The following ZC3H18 variants were observed in gnomAD, a reference collection of about 807,000 sequenced individuals.
ZC3H18 encodes the protein zinc finger CCCH-type containing 18.
In ZC3H18, 8 loss-of-function variants were observed where a neutral mutation model predicts 106.1. The ratio of observed to expected loss-of-function variants is 0.08; its 90% confidence interval spans 0.04 to 0.14. The LOEUF (loss-of-function observed/expected upper bound fraction) is 0.14. Ranked by LOEUF, ZC3H18 falls within the 10% of genes least tolerant of loss-of-function variation. The probability of loss-of-function intolerance (pLI) is 1.00; values close to 1 mark genes in which losing one functional copy is unlikely to be tolerated. For missense variants in ZC3H18, 1,318 were observed against 1,278.4 expected, an observed-to-expected ratio of 1.03 and a Z score of -0.47; for synonymous variants, 635 against 522.1, an observed-to-expected ratio of 1.22 and a Z score of -2.95.
chr16:88,574,861 G>A (rs1313249957), intron 1 of ZC3H18, among the ~76,000 whole-genome samples: 7 of 139,844 alleles, frequency 5.0e-5, no homozygotes, highest in South Asian at 2.2e-4. Context: ...ACGGAGTCTC[G>A]CTCTGTCGCC....
At chr16:88,580,062 G>A (rs1006986945) in intron 2 of ZC3H18, among the ~76,000 whole-genome samples, 1 of 152,096 alleles carries the variant, frequency 6.6e-6, no homozygotes, top group Non-Finnish European at 1.5e-5. Flanking sequence ...GCCCAGCAGC[G>A]TTTCAGGCTC....
chr16:88,587,734 AG>A, intron 3 of ZC3H18: 2 of 996,166 alleles, frequency 2.0e-6, no homozygotes, highest in South Asian at 3.0e-5. Context: ...GGGGTCTTTG[AG>A]GGGCAGAGAG....
At chr16:88,590,233 T>C (rs1915663748) in intron 3 of ZC3H18, among the ~76,000 whole-genome samples, 5 of 152,204 alleles carry the variant, frequency 3.3e-5, no homozygotes, top group Admixed American at 3.3e-4. Flanking sequence ...ATGACAGGCA[T>C]GAGCCACTGC....
At chr16:88,630,744 G>GCCCT (rs1257539077) in intron 17 of ZC3H18, among the ~76,000 whole-genome samples, 163 bp downstream of exon 17, 7 of 76,464 alleles carry the variant, frequency 9.2e-5, no homozygotes, top group African/African-American at 2.5e-4. Context: ...GCGAATTGCA[G>GCCCT]CCCCACCCCC....
chr16:88,612,356 A>T (rs967328488), intron 8 of ZC3H18, among the ~76,000 whole-genome samples: 1 of 152,068 alleles, frequency 6.6e-6, no homozygotes, highest in Non-Finnish European at 1.5e-5. Context: ...ATCGCAATCA[A>T]CATGAGAGCA....
chr16:88,596,633 C>G (rs948286284), intron 3 of ZC3H18, among the ~76,000 whole-genome samples: 1 of 151,886 alleles, frequency 6.6e-6, no homozygotes, highest in Admixed American at 6.6e-5. Flanking sequence ...CTCACTCAGT[C>G]AGAGTGAGAC....
chr16:88,600,894 T>A (rs1378300693), intron 6 of ZC3H18, among the ~76,000 whole-genome samples: 2 of 152,242 alleles, frequency 1.3e-5, no homozygotes, highest in Non-Finnish European at 2.9e-5. Flanking sequence ...GAATTGGCAC[T>A]CCATCATGCT....
intron 12 of ZC3H18, 119 bp downstream of exon 12, chr16:88,624,864 C>G: frequency 1.4e-6 from 2 of 1,395,456 alleles, no homozygotes; most frequent in Non-Finnish European, 1.9e-6. Context: ...GAAGCGCCCC[C>G]TAGCCGAGCA....
At chr16:88,631,004 G>A (rs117311218) in intron 17 of ZC3H18, 97 bp from the exon 18 acceptor site, 19,495 of 1,488,780 alleles carry the variant, frequency 0.013, 171 homozygotes, top group Admixed American at 0.015. Flanking sequence ...CCTGGTGGCC[G>A]CTGAGGACAC....
At chr16:88,615,095 C>T (rs1258306726) in intron 8 of ZC3H18, among the ~76,000 whole-genome samples, 1 of 149,970 alleles carries the variant, frequency 6.7e-6, no homozygotes, top group African/African-American at 2.5e-5. Flanking sequence ...GTTCCCTCTG[C>T]CTGGACGGGC....
At chr16:88,577,829 T>C in intron 2 of ZC3H18, 103 bp downstream of exon 2, 1 of 1,582,136 alleles carries the variant, frequency 6.3e-7, no homozygotes, top group South Asian at 1.2e-5. Context: ...CTTAGTGATT[T>C]GTTACTAGGG....
chr16:88,590,140 A>T (rs1054157558), intron 3 of ZC3H18, among the ~76,000 whole-genome samples: 2 of 152,094 alleles, frequency 1.3e-5, no homozygotes, highest in Non-Finnish European at 2.9e-5. Flanking sequence ...ACTTGTAGAG[A>T]TGGGATCTCA....
chr16:88,575,245 ATAAATT>A (rs1253354023), intron 1 of ZC3H18, among the ~76,000 whole-genome samples: 2 of 152,066 alleles, frequency 1.3e-5, no homozygotes, highest in Non-Finnish European at 2.9e-5. Flanking sequence ...TATTAAAAGT[ATAAATT>A]TAAAAGATGA....
At chr16:88,623,130 G>A in intron 9 of ZC3H18, 89 bp from the exon 10 acceptor site, 1 of 1,525,134 alleles carries the variant, frequency 6.6e-7, no homozygotes, top group Non-Finnish European at 8.8e-7. Flanking sequence ...TGCGTCTGTG[G>A]GTGTGTAGCT....
At position 88,623,243 on chromosome 16, in the gene ZC3H18, C is replaced by T. The variant is rs1906084064; in HGVS notation, c.1692C>T (p.Tyr564=). 2 of 1,613,548 alleles carry T rather than the reference C, an allele frequency of 1.2e-6. No homozygotes were observed. The highest frequency in any genetic ancestry group is 2.2e-5 in the South Asian group (2 of 91,082). ...GGTCGTCTTCGCGGTCATCGTCCTA[C>T]TCTGGCTCCGGCTCCTCCCGGTCGC... The part of the protein sequence containing the change: ...SSRSSSRSSS[Y]SGSGSSRSRS... Residue 564 remains tyrosine (Y), a synonymous_variant, in exon 10 of 18, where the codon TAC becomes TAT. Transcript: ENST00000301011.
At chr16:88,605,032 A>G (rs1904943623) in intron 6 of ZC3H18, among the ~76,000 whole-genome samples, 1 of 152,244 alleles carries the variant, frequency 6.6e-6, no homozygotes, top group Non-Finnish European at 1.5e-5. Flanking sequence ...ATACAGAGGA[A>G]ACAGAACAGT....
intron 8 of ZC3H18, among the ~76,000 whole-genome samples, chr16:88,619,428 C>T (rs1297247655): frequency 1.3e-5 from 2 of 152,194 alleles, no homozygotes; most frequent in South Asian, 2.1e-4. Flanking sequence ...GTGCGGCCGG[C>T]GGCAGCGGAG....
Position 88,574,803 on chromosome 16 carries a change from C to T in ZC3H18, c.-14-2307C>T, listed in dbSNP as rs546604418. 4.7e-5 allele frequency among the ~76,000 whole-genome samples: 7 copies of T among 150,466 alleles called. No individual in the cohort carries two copies. In the South Asian group the frequency reaches 1.0e-3, roughly 23 times the overall value. On this transcript the variant is annotated intron_variant, in intron 1 of 17. Transcript: ENST00000301011. ...TGCTGGGATTACAGGCATGAACCAC[C>T]GCACCTGACCAATTTGTTCTAATGT... is the stretch of plus-strand genomic sequence containing the variant.
chr16:88,627,727 C>T lies in ZC3H18; in HGVS notation c.2214C>T (p.Pro738=), dbSNP rs757938291. ...SEDMYADLAS[P]VSSASSRSPA... ...ACATGTACGCAGACCTGGCTAGCCC[C>T]GTGTCCTCAGCCAGCTCTCGGTCCC... Residue 738 remains proline (P), a synonymous_variant, in exon 14 of 18, where the codon CCC becomes CCT. Transcript: ENST00000301011. The surrounding 1 kb of genome is among the most constrained non-coding windows in gnomAD (Gnocchi z 4.5). The T allele has an allele frequency of 5.0e-6, 8 of 1,613,344 alleles. No homozygotes were observed. Among genetic ancestry groups the T allele is most frequent in the South Asian group, 4.4e-5 (4 of 91,084 alleles).
Sources: allele counts gnomAD v4.1 joint callset (sites outside exome capture counted in the v4.1 genomes callset), GRCh38; gene constraint gnomAD v4.1.1; non-coding constraint Gnocchi (gnomAD v3.1); transcripts MANE v1.5; gene names NCBI Gene and HGNC (gene_info 2026-07-23, HGNC 2026-07-21).